NT5DC3: variants seen among roughly 807,000 people sequenced by gnomAD.
NT5DC3 encodes the protein 5'-nucleotidase domain-containing protein 3.
Under a neutral mutation model 67.8 loss-of-function variants are expected in NT5DC3, and 42 were observed. The observed-to-expected ratio is 0.62, with a 90% CI of 0.48 to 0.80. The LOEUF is 0.80. Ranked by LOEUF, NT5DC3 falls within the 30% of genes least tolerant of loss-of-function variation. The pLI, the probability that NT5DC3 is intolerant of heterozygous loss-of-function variation, is 0.00. For missense variants in NT5DC3, 570 were observed against 696.4 expected, an observed-to-expected ratio of 0.82 and a Z score of 2.04; for synonymous variants, 237 against 255.6, an observed-to-expected ratio of 0.93 and a Z score of 0.69.
At chr12:103,791,136 T>G (rs1314094171) in intron 9 of NT5DC3, among the ~76,000 whole-genome samples, 3 of 152,146 alleles carry the variant, frequency 2.0e-5, no homozygotes, top group African/African-American at 7.2e-5. Context: ...GGAGAATTAT[T>G]CAGCTCTTAC....
chr12:103,750,693 GCCAAATGTGTCGACCT>G, the NT5DC3 span: 1 of 1,613,966 alleles, frequency 6.2e-7, no homozygotes, highest in Non-Finnish European at 8.5e-7. Flanking sequence ...CCATGCAGAC[GCCAAATGTGTCGACCT>G]CCACTTCCAG....
downstream of NT5DC3, among the ~76,000 whole-genome samples, chr12:103,769,591 C>T (rs1430770010): frequency 1.3e-5 from 2 of 152,238 alleles, no homozygotes; most frequent in Non-Finnish European, 2.9e-5. Context: ...ACAACTGCCC[C>T]TCTCATGGTC....
In NT5DC3 at chr12:103,782,408, C is replaced by T. The variant is rs576378200; in HGVS notation, c.1330-2044G>A. Among the ~76,000 whole-genome samples, 38 of 152,246 alleles carry T rather than the reference C, an allele frequency of 2.5e-4. No homozygotes were observed. The South Asian group carries it at 7.7e-3, about 31-fold the overall frequency. On this transcript the variant is annotated intron_variant, in intron 12 of 13. Coordinates refer to ENST00000392876, the MANE Select transcript of NT5DC3 (RefSeq NM_001031701.3). ...AGAATTTCCTAACATGTAAAAATTA[C>T]ATGAAAGTCAAATTTCAGTGTCCAC...
chr12:103,762,605 C>G, the NT5DC3 span, among the ~76,000 whole-genome samples: 1 of 152,304 alleles, frequency 6.6e-6, no homozygotes, highest in Non-Finnish European at 1.5e-5. Flanking sequence ...GTGGTGGTTC[C>G]AAGCCCCTCC....
downstream of NT5DC3, among the ~76,000 whole-genome samples, chr12:103,765,724 T>C (rs1884899034): frequency 7.0e-6 from 1 of 142,340 alleles, no homozygotes; most frequent in African/African-American, 2.5e-5. Context: ...GTATTTTTTG[T>C]AGAGATAAGG....
At position 103,772,349 on chromosome 12, in the gene NT5DC3, C is replaced by T. The variant is rs1193650219; in HGVS notation, c.*5480G>A. On this transcript the variant is annotated 3_prime_UTR_variant, in exon 14 of 14. Transcript: ENST00000392876. ...TTATTTGGCAATAAGTTCAGAGTCA[C>T]ATAACACATAAAATCAACATTTAAA... is the stretch of plus-strand genomic sequence containing the variant. 6.6e-6 allele frequency: 1 copy of T among 152,502 alleles called. No homozygotes were observed. The highest frequency in any genetic ancestry group is 2.4e-5 in the African/African-American group (1 of 41,432). 9.4% of individuals were successfully genotyped at this position (152,502 alleles called of 1,614,324 possible).
chr12:103,799,282 C>T (rs766109552), intron 4 of NT5DC3, among the ~76,000 whole-genome samples: 6 of 152,162 alleles, frequency 3.9e-5, no homozygotes, highest in Non-Finnish European at 7.4e-5. Context: ...GGTTTGGCTG[C>T]GTCCCCACCT....
At chr12:103,796,065 C>G (rs1886299535) in intron 6 of NT5DC3, among the ~76,000 whole-genome samples, 2 of 152,230 alleles carry the variant, frequency 1.3e-5, no homozygotes, top group African/African-American at 4.8e-5. Context: ...TTACATTTGT[C>G]TACATCCCCC....
chr12:103,829,304 G>C (rs1194443501), intron 1 of NT5DC3, among the ~76,000 whole-genome samples: 1 of 152,200 alleles, frequency 6.6e-6, no homozygotes, highest in African/African-American at 2.4e-5. Flanking sequence ...AGAAACAAAT[G>C]GGTGTGGCTA....
intron 6 of NT5DC3, among the ~76,000 whole-genome samples, chr12:103,796,074 C>T (rs1886300635): frequency 1.3e-5 from 2 of 152,222 alleles, no homozygotes; most frequent in African/African-American, 4.8e-5. Flanking sequence ...TCTACATCCC[C>T]CGTCCCCCAA....
At chr12:103,798,506 A>G in intron 5 of NT5DC3, 81 bp downstream of exon 5, 1 of 916,662 alleles carries the variant, frequency 1.1e-6, no homozygotes, top group South Asian at 1.4e-5. Flanking sequence ...TCAATTCCAT[A>G]TAAGCAGTAG....
chr12:103,793,587 G>C, intron 7 of NT5DC3, 75 bp from the exon 8 acceptor site: 1 of 1,084,770 alleles, frequency 9.2e-7, no homozygotes, highest in Non-Finnish European at 1.4e-6. Context: ...CTAAATGGGG[G>C]TTTGGGTCCA....
downstream of NT5DC3, among the ~76,000 whole-genome samples, chr12:103,767,306 A>G (rs11111758): frequency 0.29 from 44,020 of 152,124 alleles, 7,056 homozygotes; most frequent in East Asian, 0.6. Flanking sequence ...TTAAGAAGCC[A>G]GTCACAAAGG....
intron 11 of NT5DC3, among the ~76,000 whole-genome samples, chr12:103,786,681 A>ATTTTTTTTTTTTTTTTTTTTTTTTTTTT (rs3036176): frequency 1.5e-5 from 2 of 132,366 alleles, no homozygotes; most frequent in African/African-American, 2.8e-5. Flanking sequence ...CACTGGTTTG[A>ATTTTTTTTTTTTTTTTTTTTTTTTTTTT]TTTTTTTTTT....
rs534859214 is a variant in NT5DC3 at position 103,816,272 on chromosome 12, C to T, written c.209-1151G>A. 7.9e-5 allele frequency among the ~76,000 whole-genome samples: 12 copies of T among 152,230 alleles called. No individual in the cohort carries two copies. The South Asian group carries it at 1.2e-3, about 16-fold the overall frequency. On this transcript the variant is annotated intron_variant, in intron 1 of 13. Coordinates refer to ENST00000392876, the MANE Select transcript of NT5DC3 (RefSeq NM_001031701.3). ...ATCGTGGCTCCCTAATCAAAAAGTC[C>T]GAAATTCAAAATGCTCCAATGAGTG...
At chr12:103,810,937 T>G (rs1887001773) in intron 2 of NT5DC3, among the ~76,000 whole-genome samples, 1 of 152,154 alleles carries the variant, frequency 6.6e-6, no homozygotes, top group African/African-American at 2.4e-5. Context: ...CGCATCTAAT[T>G]AGAGGCAACG....
In NT5DC3 at chr12:103,788,893, C is replaced by A; in HGVS notation, c.1046G>T (p.Gly349Val). 6.2e-7 allele frequency: 1 copy of A among 1,613,358 alleles called. No individual in the cohort carries two copies. Among genetic ancestry groups the A allele is most frequent in the Admixed American group, 1.7e-5 (1 of 60,010 alleles). Reference protein sequence around the residue: ...RRPFRKMNEKGVLLWDKIHKL... With the variant: ...RRPFRKMNEKVVLLWDKIHKL... ...ATGGATTTTATCCCAGAGTAAGACA[C>A]CTTTCTCATTCATCTTTCGGAAAGG... is the stretch of plus-strand genomic sequence containing the variant. The change falls in exon 10 of 14, where the codon GGT becomes GTT. Residue 349 changes from glycine to valine, a missense_variant. Around this residue, in one of 2 missense-constraint regions of NT5DC3, gnomAD observed 466 missense variants for 608.0 expected, o/e 0.77. Transcript: ENST00000392876.
intron 4 of NT5DC3, 109 bp from the exon 5 acceptor site, chr12:103,798,786 C>G (rs1008593527): frequency 2.8e-6 from 2 of 715,068 alleles, no homozygotes; most frequent in African/African-American, 1.8e-5. Context: ...GCACTGTCAT[C>G]ATGACGAGGC....
At chr12:103,759,088 T>G in the NT5DC3 span, 1 of 1,613,908 alleles carries the variant, frequency 6.2e-7, no homozygotes. Context: ...GACAAAATAT[T>G]GCTTGGCCTT....
Sources: gnomAD v4.1 joint callset for allele counts (sites outside exome capture counted in the v4.1 genomes callset) on GRCh38, gnomAD v4.1.1 for gene constraint, gnomAD v4.1.1 regional missense constraint, MANE v1.5 for transcripts, NCBI Gene and HGNC (gene_info 2026-07-23, HGNC 2026-07-21) for gene names.